CNGA3: variants seen among roughly 807,000 people sequenced by gnomAD.
CNGA3 encodes the protein cyclic nucleotide-gated channel alpha-3.
In CNGA3, 42 loss-of-function variants were observed where a neutral mutation model predicts 46.6. The ratio of observed to expected loss-of-function variants is 0.90; its 90% CI spans 0.70 to 1.17. CNGA3 has a LOEUF of 1.17. Ranked by LOEUF, CNGA3 falls within the 50% of genes most tolerant of loss-of-function variation. The pLI, the probability that CNGA3 is intolerant of heterozygous loss-of-function variation, is 0.00. For missense variants in CNGA3, 893 were observed against 890.7 expected (o/e 1.00, Z -0.03); for synonymous variants, 394 against 369.4 (o/e 1.07, Z -0.76).
rs576131307 is a variant in CNGA3 at position 98,377,251 on chromosome 2, A to C, written c.102-436A>C. 2.7e-5 allele frequency: 5 copies of C among 182,846 alleles called. No homozygotes were observed. The South Asian group carries it at 6.0e-4, about 22-fold the overall frequency. 11.3% of individuals were successfully genotyped at this position (182,846 alleles called of 1,614,324 possible). On this transcript the variant is annotated intron_variant, in intron 2 of 7. Transcript: ENST00000272602. The stretch of plus-strand genomic sequence containing the variant: ...ACACGCAGTGGGAAGGGAGGCTCAG[A>C]AAGACCCCTAAGGAGCGGGTATTCA...
chr2:98,351,502 G>A (rs568145818), intron 1 of CNGA3, among the ~76,000 whole-genome samples: 30 of 152,280 alleles, frequency 2.0e-4, no homozygotes, highest in African/African-American at 7.0e-4. Context: ...CACCATGATT[G>A]TGAGGCCTCC....
chr2:98,386,280 G>C (rs1401435868), intron 5 of CNGA3, among the ~76,000 whole-genome samples: 1 of 152,212 alleles, frequency 6.6e-6, no homozygotes, highest in Non-Finnish European at 1.5e-5. Context: ...AGGTCCTTGA[G>C]ATAGGTAATG....
intron 6 of CNGA3, 42 bp downstream of exon 6, chr2:98,389,816 C>G (rs369462056): frequency 1.2e-4 from 188 of 1,531,300 alleles, no homozygotes; most frequent in Non-Finnish European, 1.5e-4. Flanking sequence ...AGGGGGAAAC[C>G]AGGGCACCAG....
chr2:98,373,285 G>C (rs1249795954), intron 2 of CNGA3, among the ~76,000 whole-genome samples: 2 of 152,238 alleles, frequency 1.3e-5, no homozygotes, highest in Non-Finnish European at 2.9e-5. Context: ...CTATTTTGGA[G>C]CCAGGAGAAA....
chr2:98,369,947 TG>T lies in CNGA3; in HGVS notation c.-23del, dbSNP rs750420896. 13 of 1,575,562 alleles carry T rather than the reference TG, an allele frequency of 8.3e-6. No homozygotes were observed. The South Asian group carries it at 1.3e-4, about 16-fold the overall frequency. On this transcript the variant is annotated 5_prime_UTR_variant, in exon 2 of 8. Coordinates refer to ENST00000272602, the MANE Select transcript of CNGA3 (RefSeq NM_001298.3). The stretch of plus-strand genomic sequence containing the variant: ...TTGTGTTCACATTTTAGCAATCATC[TG>T]GGGGGCTAAATGTGACAAACCGAGA...
rs201372439 is a variant in CNGA3, at chr2:98,396,276, C to A, written c.1106C>A (p.Thr369Asn). 3.7e-6 allele frequency: 6 copies of A among 1,611,152 alleles called. No homozygotes were observed. Among genetic ancestry groups the A allele is most frequent in the Non-Finnish European group, 5.1e-6 (6 of 1,177,942 alleles). Residue 369 changes from threonine (T) to asparagine (N), a missense_variant, in exon 8 of 8, where the codon ACC (threonine) becomes AAC (asparagine). Coordinates refer to ENST00000272602, the MANE Select transcript of CNGA3 (RefSeq NM_001298.3). The stretch of plus-strand genomic sequence containing the variant: ...TTGACCCTTACCACCATTGGTGAGA[C>A]CCCACCCCCCGTGAAAGATGAGGAG... The part of the protein sequence containing the change: ...STLTLTTIGE[T>N]PPPVKDEEYL...
rs1194219748 is a variant in CNGA3, at chr2:98,370,010, C to G, written c.35C>G (p.Ser12Cys). ...AKINTQYSHP[S>C]RTHLKVKTSD... ...ATCAACACCCAATACTCCCACCCCT[C>G]CAGGACCCACCTCAAGGTAAAGACC... is the stretch of plus-strand genomic sequence containing the variant. Residue 12 changes from serine (S) to cysteine (C), a missense_variant, in exon 2 of 8, where the codon TCC becomes TGC. Coordinates refer to ENST00000272602, the MANE Select transcript of CNGA3 (RefSeq NM_001298.3). The G allele has an allele frequency of 1.2e-6, 2 of 1,614,060 alleles. No homozygotes were observed.
chr2:98,360,312 C>T (rs1015938769), intron 1 of CNGA3, among the ~76,000 whole-genome samples: 1 of 152,196 alleles, frequency 6.6e-6, no homozygotes, highest in African/African-American at 2.4e-5. Context: ...GAGGTACTGC[C>T]TCCATGCAAT....
At chr2:98,356,485 C>T (rs1328256897) in intron 1 of CNGA3, among the ~76,000 whole-genome samples, 3 of 152,144 alleles carry the variant, frequency 2.0e-5, no homozygotes, top group Non-Finnish European at 2.9e-5. Flanking sequence ...TTTGCCATGG[C>T]TTGTGTCCAG....
At chr2:98,368,772 G>C (rs1692219884) in intron 1 of CNGA3, among the ~76,000 whole-genome samples, 1 of 152,206 alleles carries the variant, frequency 6.6e-6, no homozygotes, top group African/African-American at 2.4e-5. Flanking sequence ...TGTTGGGTAG[G>C]GGGCCAGTGA....
At chr2:98,369,756 A>G (rs1692242231) in intron 1 of CNGA3, among the ~76,000 whole-genome samples, 183 bp from the exon 2 acceptor site, 1 of 152,226 alleles carries the variant, frequency 6.6e-6, no homozygotes, top group Non-Finnish European at 1.5e-5. Context: ...GCCTTATGCT[A>G]GAAAGAAGAG....
At chr2:98,380,126 T>C (rs1692502433) in intron 3 of CNGA3, 49 bp from the exon 4 acceptor site, 2 of 1,604,126 alleles carry the variant, frequency 1.2e-6, no homozygotes, top group Non-Finnish European at 1.7e-6. Context: ...TTTGGGGGTG[T>C]GGGGGGCTTT....
At chr2:98,356,137 G>A (rs1691875008) in intron 1 of CNGA3, 1 of 152,206 alleles carries the variant, frequency 6.6e-6, no homozygotes, top group African/African-American at 2.4e-5. Context: ...AAGGCAATTG[G>A]AAGAGTATTT....
intron 1 of CNGA3, among the ~76,000 whole-genome samples, chr2:98,367,651 TG>T (rs1333174596): frequency 1.3e-5 from 2 of 152,094 alleles, no homozygotes; most frequent in African/African-American, 4.8e-5. Context: ...CCTGTCTCAA[TG>T]GGCAGGCAAC....
At chr2:98,357,141 G>A (rs1464562884) in intron 1 of CNGA3, among the ~76,000 whole-genome samples, 1 of 152,180 alleles carries the variant, frequency 6.6e-6, no homozygotes, top group Non-Finnish European at 1.5e-5. Flanking sequence ...GTAAAAGGAG[G>A]CAGTTCTTGC....
At chr2:98,366,554 C>G (rs964647966) in intron 1 of CNGA3, among the ~76,000 whole-genome samples, 1 of 152,234 alleles carries the variant, frequency 6.6e-6, no homozygotes, top group Non-Finnish European at 1.5e-5. Context: ...GCAAGGGGCT[C>G]CATCCCAGGG....
At chr2:98,353,232 G>A (rs949270854) in intron 1 of CNGA3, among the ~76,000 whole-genome samples, 1 of 152,042 alleles carries the variant, frequency 6.6e-6, no homozygotes, top group African/African-American at 2.4e-5. Context: ...AGGATCAATG[G>A]TATATATATC....
chr2:98,377,655 C>T, intron 2 of CNGA3, 32 bp from the exon 3 acceptor site: 1 of 1,587,544 alleles, frequency 6.3e-7, no homozygotes, highest in Non-Finnish European at 8.6e-7. Context: ...GGCTTGAAAT[C>T]AATTCTGCTT....
chr2:98,368,736 A>G lies in CNGA3; in HGVS notation c.-37-1203A>G, dbSNP rs9750647. On this transcript the variant is annotated intron_variant, in intron 1 of 7. Transcript: ENST00000272602. Reference sequence around the variant, plus strand: ...ACTCAAATCACTCTTCCCAAAACTCAGGGATCAGGGTTTTTAAGGATAATT... The same window carrying G: ...ACTCAAATCACTCTTCCCAAAACTCGGGGATCAGGGTTTTTAAGGATAATT... 2.2e-3 allele frequency among the ~76,000 whole-genome samples: 329 copies of G among 152,328 alleles called. 1 individual carries two copies. The highest frequency in any genetic ancestry group is 7.6e-3 in the African/African-American group (318 of 41,570).
Sources: allele counts gnomAD v4.1 joint callset (sites outside exome capture counted in the v4.1 genomes callset), GRCh38; gene constraint gnomAD v4.1.1; transcripts MANE v1.5; gene names NCBI Gene and HGNC (gene_info 2026-07-23, HGNC 2026-07-21).